Variants in VCPKMT observed in about 807,000 individuals in gnomAD.
VCPKMT encodes the protein protein N-lysine methyltransferase METTL21D.
Under a neutral mutation model 28.6 loss-of-function variants are expected in VCPKMT, and 32 were observed. The ratio of observed to expected loss-of-function variants is 1.12; its 90% confidence interval spans 0.84 to 1.50. The LOEUF (loss-of-function observed/expected upper bound fraction) is 1.50, where lower values mean the gene tolerates loss of function less well. VCPKMT is among the 40% of genes most tolerant of loss of function. The pLI, the probability that VCPKMT is intolerant of heterozygous loss-of-function variation, is 0.00. For missense variants in VCPKMT, 366 were observed against 285.0 expected (o/e 1.28, Z -2.05); for synonymous variants, 138 against 111.4 (o/e 1.24, Z -1.50).
rs1883138811 is a variant in VCPKMT, at chr14:50,115,883, G to C, written c.406C>G (p.Pro136Ala). ...TCGGCCATCAGTATGAAGTCGGGTGGAGAAGGAAAGCCTTCTATTTCTTCC... is the reference window on the plus strand; with the variant it reads ...TCGGCCATCAGTATGAAGTCGGGTGCAGAAGGAAAGCCTTCTATTTCTTCC... The part of the protein sequence containing the change: ...WGEEIEGFPS[P>A]PDFILMADCI... The change falls in exon 3 of 6, where the codon CCA becomes GCA. Residue 136 changes from proline (P) to alanine (A), a missense_variant. Coordinates refer to ENST00000395860, the MANE Select transcript of VCPKMT (RefSeq NM_024558.3). 15 of 1,613,382 alleles carry C rather than the reference G, an allele frequency of 9.3e-6. No homozygotes were observed. The highest frequency in any genetic ancestry group is 1.3e-5 in the Non-Finnish European group (15 of 1,179,526).
chr14:50,102,763 G>T, the VCPKMT span, among the ~76,000 whole-genome samples: 11 of 152,132 alleles, frequency 7.2e-5, no homozygotes, highest in Non-Finnish European at 1.6e-4. Flanking sequence ...AAATATCCTT[G>T]TTTTCAACCT....
chr14:50,103,685 CTTCT>C (rs771552178), downstream of VCPKMT, among the ~76,000 whole-genome samples: 63 of 152,256 alleles, frequency 4.1e-4, no homozygotes, highest in Middle Eastern at 6.8e-3. Context: ...TTCCCCGTAT[CTTCT>C]TTATTTTTCT....
chr14:50,114,262 A>G, intron 4 of VCPKMT, 23 bp downstream of exon 4: 7 of 1,534,408 alleles, frequency 4.6e-6, no homozygotes, highest in Non-Finnish European at 6.1e-6. Context: ...CACTACAAAG[A>G]TAATAGAGTA....
intron 5 of VCPKMT, among the ~76,000 whole-genome samples, chr14:50,112,395 GAAAA>G (rs59968443): frequency 1.7e-4 from 2 of 11,998 alleles, no homozygotes; most frequent in Admixed American, 1.5e-3. Context: ...AAAAATACGA[GAAAA>G]AAAAAAAAAA....
Position 50,114,354 on chromosome 14 carries a change from A to G in VCPKMT, c.501T>C (p.Thr167=). Residue 167 remains threonine, a synonymous_variant, in exon 4 of 6, where the codon ACT becomes ACC. Transcript: ENST00000395860. ...GTTGTTCATAACAACATATAATACA[A>G]GTTTCAAATCCGCTGATATCTTTTA... ...KTLKDISGFE[T]CIICCYEQRT... is the part of the protein sequence containing the mutation. The G allele has an allele frequency of 6.3e-7, 1 of 1,591,292 alleles. No homozygotes were observed. Among genetic ancestry groups the G allele is most frequent in the Non-Finnish European group, 8.5e-7 (1 of 1,171,838 alleles).
chr14:50,114,824 T>C (rs1032752727), intron 3 of VCPKMT, among the ~76,000 whole-genome samples: 1 of 152,150 alleles, frequency 6.6e-6, no homozygotes, highest in Non-Finnish European at 1.5e-5. Context: ...CACTACAACA[T>C]GTGTGACAGA....
chr14:50,106,998 G>A (rs960512881), downstream of VCPKMT, among the ~76,000 whole-genome samples: 8 of 152,182 alleles, frequency 5.3e-5, no homozygotes, highest in African/African-American at 1.9e-4. Context: ...GGGATTACAG[G>A]CATGAGCCAC....
At position 50,116,316 on chromosome 14, in the gene VCPKMT, CCCG is replaced by C. The variant is rs1266851617; in HGVS notation, c.234_236del (p.Gly79del). The C allele has an allele frequency of 1.2e-6, 2 of 1,608,706 alleles. No homozygotes were observed. The highest frequency in any genetic ancestry group is 2.7e-5 in the African/African-American group (2 of 74,774). On this transcript the variant is annotated inframe_deletion, in exon 1 of 6. Coordinates refer to ENST00000395860, the MANE Select transcript of VCPKMT (RefSeq NM_024558.3). Reference sequence around the variant, plus strand: ...GGGTAGCAGCCATGAGCCCCACGGCCCCGGTGCCCGAACCCAGCTCCAGCACCG... The same window carrying C: ...GGGTAGCAGCCATGAGCCCCACGGCCGTGCCCGAACCCAGCTCCAGCACCG...
At chr14:50,111,302 A>AT in intron 5 of VCPKMT, 1 of 983,092 alleles carries the variant, frequency 1.0e-6, no homozygotes, top group Non-Finnish European at 1.2e-6. Context: ...AGCACAAAAC[A>AT]GTTTTTTTTG....
downstream of VCPKMT, among the ~76,000 whole-genome samples, chr14:50,107,972 T>G (rs1433063227): frequency 2.0e-5 from 3 of 151,970 alleles, no homozygotes; most frequent in African/African-American, 7.3e-5. Context: ...GTGGATCACT[T>G]GGCTCCAGGA....
downstream of VCPKMT, among the ~76,000 whole-genome samples, chr14:50,104,068 C>A (rs1882242156): frequency 6.6e-6 from 1 of 152,218 alleles, no homozygotes; most frequent in African/African-American, 2.4e-5. Context: ...ACTTCAAGGT[C>A]ACACAGCTAG....
At chr14:50,103,356 C>T in the VCPKMT span, among the ~76,000 whole-genome samples, 1 of 152,240 alleles carries the variant, frequency 6.6e-6, no homozygotes, top group African/African-American at 2.4e-5. Context: ...ATTTTAAAGT[C>T]ACATTGCTCT....
intron 5 of VCPKMT, chr14:50,112,230 G>C (rs781005118): frequency 4.7e-5 from 13 of 274,488 alleles, no homozygotes; most frequent in South Asian, 2.8e-4. Context: ...TACGCCTATG[G>C]AGAAGCTGGA....
At chr14:50,112,393 GAGAAA>G (rs370388454) in intron 5 of VCPKMT, among the ~76,000 whole-genome samples, 20,005 of 56,520 alleles carry the variant, frequency 0.35, 3,320 homozygotes, top group Admixed American at 0.45. Context: ...TAAAAAATAC[GAGAAA>G]AAAAAAAAAA....
downstream of VCPKMT, chr14:50,106,747 T>C: frequency 1.9e-6 from 1 of 539,334 alleles, no homozygotes; most frequent in Non-Finnish European, 2.4e-6. Flanking sequence ...AGATAGGGTC[T>C]CACTGTCACC....
At chr14:50,114,157 T>A (rs372113560) in intron 4 of VCPKMT, 128 bp downstream of exon 4, 1 of 895,376 alleles carries the variant, frequency 1.1e-6, no homozygotes, top group Non-Finnish European at 1.6e-6. Context: ...GCTGTGAAGA[T>A]CCTTTCCTCA....
At chr14:50,110,778 G>A (rs757745300) in intron 5 of VCPKMT, among the ~76,000 whole-genome samples, 4 of 152,190 alleles carry the variant, frequency 2.6e-5, no homozygotes, top group Admixed American at 6.5e-5. Context: ...ATCAATGGAT[G>A]GATAAGGTGT....
chr14:50,108,474 A>G (rs1594932345), downstream of VCPKMT, among the ~76,000 whole-genome samples: 1 of 152,260 alleles, frequency 6.6e-6, no homozygotes, highest in East Asian at 1.9e-4. Context: ...GGCGGGGGGG[A>G]AACCAGCAAA....
intron 5 of VCPKMT, among the ~76,000 whole-genome samples, chr14:50,110,341 A>G (rs1349543880): frequency 6.6e-6 from 1 of 152,206 alleles, no homozygotes; most frequent in Non-Finnish European, 1.5e-5. Flanking sequence ...AAATATTCAC[A>G]AATAATGCAT....
Sources: gnomAD v4.1 joint callset for allele counts (sites outside exome capture counted in the v4.1 genomes callset) on GRCh38, gnomAD v4.1.1 for gene constraint, MANE v1.5 for transcripts, NCBI Gene and HGNC (gene_info 2026-07-23, HGNC 2026-07-21) for gene names.